The following BABAM2 variants were observed in gnomAD, a reference collection of about 807,000 sequenced individuals.
The protein encoded by BABAM2 is BRISC and BRCA1 A complex member 2.
A neutral mutation model predicts 54.7 loss-of-function variants in BABAM2; 31 were observed. The observed-to-expected ratio is 0.57, with a 90% CI of 0.43 to 0.77. The LOEUF (loss-of-function observed/expected upper bound fraction) is 0.77. BABAM2 is among the 30% of genes least tolerant of loss of function. BABAM2 has a pLI of 0.00. For missense variants in BABAM2, 364 were observed against 455.8 expected (o/e 0.80, Z 1.83); for synonymous variants, 167 against 162.9 (o/e 1.03, Z -0.19).
intron 4 of BABAM2, among the ~76,000 whole-genome samples, chr2:28,000,213 A>G (rs542874216): frequency 4.6e-5 from 7 of 152,232 alleles, no homozygotes; most frequent in East Asian, 3.9e-4. Flanking sequence ...CTATTCTAGG[A>G]TACCATCTAG....
intron 7 of BABAM2, among the ~76,000 whole-genome samples, chr2:28,154,572 A>G (rs1482662339): frequency 6.6e-6 from 1 of 152,200 alleles, no homozygotes; most frequent in Admixed American, 6.5e-5. Flanking sequence ...ATTTCTGTGT[A>G]TGAAATCTTA....
At chr2:28,259,892 C>G (rs1004992173) in intron 10 of BABAM2, among the ~76,000 whole-genome samples, 4 of 139,218 alleles carry the variant, frequency 2.9e-5, no homozygotes, top group African/African-American at 1.0e-4. Context: ...AAGTGTAAAT[C>G]TACTTCTGAA....
At chr2:28,225,254 C>T (rs1457483215) in intron 7 of BABAM2, among the ~76,000 whole-genome samples, 1 of 152,192 alleles carries the variant, frequency 6.6e-6, no homozygotes, top group African/African-American at 2.4e-5. Context: ...AGGCTGAGTG[C>T]TATGGGTTCC....
rs13389655 is a variant in BABAM2, at chr2:28,313,265, G to A, written c.1088+14774G>A. On this transcript the variant is annotated intron_variant, in intron 11 of 11. Transcript: ENST00000379624. ...TTCTGTGGCCAAACTTATTACTAGC[G>A]TCTATGGGCAAAAGAGAAGAAGGAG... is the stretch of plus-strand genomic sequence containing the variant. 7.5e-3 allele frequency among the ~76,000 whole-genome samples: 1,143 copies of A among 152,314 alleles called. 16 individuals carry two copies. The highest frequency in any genetic ancestry group is 0.026 in the African/African-American group (1,070 of 41,566).
intron 11 of BABAM2, among the ~76,000 whole-genome samples, chr2:28,314,636 T>C (rs1224553055): frequency 5.3e-5 from 8 of 152,238 alleles, no homozygotes; most frequent in Non-Finnish European, 1.0e-4. Flanking sequence ...AACTAGGTGT[T>C]AGGTACGATG....
chr2:27,922,668 A>G (rs1667420101), intron 2 of BABAM2, among the ~76,000 whole-genome samples: 1 of 152,314 alleles, frequency 6.6e-6, no homozygotes. Context: ...TTTTTATCCA[A>G]AATCCTTTCT....
intron 7 of BABAM2, among the ~76,000 whole-genome samples, chr2:28,218,254 T>C: frequency 6.6e-6 from 1 of 152,242 alleles, no homozygotes; most frequent in Non-Finnish European, 1.5e-5. Flanking sequence ...AGTGCAGTTA[T>C]CAAATCAGGC....
intron 7 of BABAM2, among the ~76,000 whole-genome samples, chr2:28,202,225 A>T (rs1573829580): frequency 6.6e-6 from 1 of 152,306 alleles, no homozygotes; most frequent in East Asian, 1.9e-4. Context: ...AATGGAATAA[A>T]ATTCGTGACC....
chr2:28,207,042 A>G (rs371514785), intron 7 of BABAM2, among the ~76,000 whole-genome samples: 5 of 152,322 alleles, frequency 3.3e-5, no homozygotes, highest in East Asian at 1.9e-4. Flanking sequence ...TACTGTTACT[A>G]TGTTGCCAAG....
At chr2:28,265,337 G>A (rs527764135) in intron 10 of BABAM2, among the ~76,000 whole-genome samples, 22 of 152,300 alleles carry the variant, frequency 1.4e-4, no homozygotes, top group African/African-American at 5.1e-4. Flanking sequence ...TGAGGCAGGA[G>A]AATCACTTGA....
At chr2:28,323,319 G>A (rs1234713291) in intron 11 of BABAM2, among the ~76,000 whole-genome samples, 1 of 152,108 alleles carries the variant, frequency 6.6e-6, no homozygotes, top group African/African-American at 2.4e-5. Flanking sequence ...ACAAAGGGGA[G>A]ATAGACGGCT....
intron 7 of BABAM2, among the ~76,000 whole-genome samples, chr2:28,211,563 A>G (rs1415182636): frequency 6.6e-6 from 1 of 151,214 alleles, no homozygotes; most frequent in Non-Finnish European, 1.5e-5. Context: ...AATTTTTTGT[A>G]TTTTTAGTAG....
intron 7 of BABAM2, among the ~76,000 whole-genome samples, chr2:28,197,572 G>C (rs551215189): frequency 1.3e-5 from 2 of 152,102 alleles, no homozygotes; most frequent in East Asian, 3.9e-4. Context: ...GAAGTAAAAG[G>C]GATGAGATAG....
intron 7 of BABAM2, among the ~76,000 whole-genome samples, chr2:28,143,278 T>C (rs1671222171): frequency 6.6e-6 from 1 of 152,096 alleles, no homozygotes; most frequent in South Asian, 2.1e-4. Context: ...CTCACTTATA[T>C]GTGGAATCTA....
At chr2:28,026,803 AAAATATATAAATATAT>A (rs1558666817) in intron 5 of BABAM2, among the ~76,000 whole-genome samples, 2 of 101,228 alleles carry the variant, frequency 2.0e-5, no homozygotes, top group Non-Finnish European at 3.6e-5. Context: ...ATTTATATAA[AAAATATATAAATATAT>A]ATTTATATAT....
chr2:27,949,017 A>G (rs1669510272), intron 3 of BABAM2, among the ~76,000 whole-genome samples: 1 of 152,186 alleles, frequency 6.6e-6, no homozygotes, highest in East Asian at 1.9e-4. Context: ...AGGGAGACAG[A>G]TTTGTAAAAC....
chr2:27,949,465 C>T (rs1254733955), intron 3 of BABAM2, among the ~76,000 whole-genome samples: 2 of 150,200 alleles, frequency 1.3e-5, no homozygotes, highest in Admixed American at 6.7e-5. Flanking sequence ...ACCCGGGAGG[C>T]GGAGATTGCA....
Position 28,026,855 on chromosome 2 carries a change from TATATATAG to T in BABAM2, c.495+1443_495+1450del, listed in dbSNP as rs1394578972. 1.7e-3 allele frequency among the ~76,000 whole-genome samples: 136 copies of T among 81,274 alleles called. 5 individuals carry two copies. The highest frequency in any genetic ancestry group is 7.5e-3 in the African/African-American group (125 of 16,560). The allele number at this position is 81,274 out of a possible 152,430, so 53.3% of individuals were successfully genotyped here. On this transcript the variant is annotated intron_variant, in intron 5 of 11. Coordinates refer to ENST00000379624, the MANE Select transcript of BABAM2 (RefSeq NM_199191.3). ...ATAAATATATATAAATATATATTTA[TATATATAG>T]ATATATATATTTATATATATATAGA...
intron 6 of BABAM2, among the ~76,000 whole-genome samples, chr2:28,083,021 A>T (rs777895206): frequency 6.6e-6 from 1 of 152,066 alleles, no homozygotes; most frequent in African/African-American, 2.4e-5. Flanking sequence ...CTCTGCCATC[A>T]TCCTCCCCAA....
Sources: gnomAD v4.1 joint callset for allele counts (sites outside exome capture counted in the v4.1 genomes callset) on GRCh38, gnomAD v4.1.1 for gene constraint, MANE v1.5 for transcripts, NCBI Gene and HGNC (gene_info 2026-07-23, HGNC 2026-07-21) for gene names.